SORCS1: variants seen among roughly 807,000 people sequenced by gnomAD.
The protein encoded by SORCS1 is VPS10 domain-containing receptor SorCS1.
SORCS1 carries 60 observed loss-of-function variants against 146.1 expected under a neutral mutation model. The observed-to-expected ratio is 0.41, with a 90% CI of 0.33 to 0.51. The LOEUF (loss-of-function observed/expected upper bound fraction) is 0.51, where lower values mean the gene tolerates loss of function less well. Among genes scored for constraint, SORCS1 ranks in the 20% least tolerant of loss-of-function variants. The pLI, the probability that SORCS1 is intolerant of heterozygous loss-of-function variation, is 0.21. For synonymous variants in SORCS1, 637 were observed against 584.0 expected, an observed-to-expected ratio of 1.09 and a Z score of -1.31; for missense variants, 1,352 against 1,487.6, an observed-to-expected ratio of 0.91 and a Z score of 1.50.
intron 23 of SORCS1, among the ~76,000 whole-genome samples, chr10:106,606,502 G>A (rs1338318981): frequency 6.6e-6 from 1 of 152,164 alleles, no homozygotes; most frequent in Non-Finnish European, 1.5e-5. Context: ...GCTTCTCACG[G>A]CATTCTTGTG....
intron 1 of SORCS1, among the ~76,000 whole-genome samples, chr10:106,996,339 A>G (rs1323330537): frequency 6.6e-6 from 1 of 152,036 alleles, no homozygotes; most frequent in Non-Finnish European, 1.5e-5. Flanking sequence ...AACAGAATTT[A>G]CTTGTCTATA....
chr10:106,931,097 C>T (rs1953393939), intron 2 of SORCS1, among the ~76,000 whole-genome samples: 2 of 152,142 alleles, frequency 1.3e-5, no homozygotes, highest in Admixed American at 6.5e-5. Context: ...CACTGGTTGT[C>T]TAATTTCCTT....
chr10:106,993,360 A>G (rs1956853009), intron 1 of SORCS1, among the ~76,000 whole-genome samples: 1 of 152,196 alleles, frequency 6.6e-6, no homozygotes, highest in South Asian at 2.1e-4. Context: ...AGTGCAAACT[A>G]TATTCACACT....
chr10:106,863,246 G>A (rs528261297), intron 2 of SORCS1, among the ~76,000 whole-genome samples: 18 of 152,220 alleles, frequency 1.2e-4, no homozygotes, highest in African/African-American at 4.3e-4. Flanking sequence ...ACAGAGGGCT[G>A]GGCACGGTGA....
intron 2 of SORCS1, among the ~76,000 whole-genome samples, chr10:106,855,150 GAT>G (rs1397829382): frequency 6.6e-6 from 1 of 152,056 alleles, no homozygotes; most frequent in Non-Finnish European, 1.5e-5. Context: ...CAGAATTCTT[GAT>G]GTTTTCCATT....
intron 2 of SORCS1, among the ~76,000 whole-genome samples, chr10:106,854,824 T>C (rs1006414827): frequency 2.0e-5 from 3 of 151,186 alleles, no homozygotes; most frequent in African/African-American, 4.8e-5. Flanking sequence ...TAAGTGTGTA[T>C]GTGTGTGTGT....
intron 2 of SORCS1, among the ~76,000 whole-genome samples, chr10:106,850,892 G>A (rs1376977545): frequency 6.6e-6 from 1 of 152,154 alleles, no homozygotes; most frequent in African/African-American, 2.4e-5. Flanking sequence ...AGGCCTAGGA[G>A]TCTACCTATC....
chr10:107,015,660 C>T (rs576446713), intron 1 of SORCS1, among the ~76,000 whole-genome samples: 2 of 152,138 alleles, frequency 1.3e-5, no homozygotes, highest in Non-Finnish European at 2.9e-5. Context: ...GGCCTCCTGG[C>T]TCTCTCAATG....
chr10:106,740,742 T>G (rs544853071), intron 5 of SORCS1, among the ~76,000 whole-genome samples: 2 of 152,226 alleles, frequency 1.3e-5, no homozygotes, highest in Admixed American at 6.5e-5. Flanking sequence ...TGCTCATCAA[T>G]TGTCAACAAC....
chr10:106,831,890 C>T (rs996831848), intron 2 of SORCS1, among the ~76,000 whole-genome samples: 5 of 152,168 alleles, frequency 3.3e-5, no homozygotes, highest in Non-Finnish European at 7.3e-5. Context: ...GAAAGAGCAT[C>T]ACAGACTAGA....
At chr10:107,134,383 A>C (rs1374005229) in intron 1 of SORCS1, among the ~76,000 whole-genome samples, 1 of 152,194 alleles carries the variant, frequency 6.6e-6, no homozygotes, top group East Asian at 1.9e-4. Context: ...TCAAGCCTGT[A>C]ATCCCAGAAC....
intron 1 of SORCS1, among the ~76,000 whole-genome samples, chr10:107,026,268 T>G (rs1958397185): frequency 6.6e-6 from 1 of 152,146 alleles, no homozygotes; most frequent in Non-Finnish European, 1.5e-5. Context: ...AGGAATAAAT[T>G]TATTTGAAAG....
chr10:107,108,770 TG>T (rs1168120464), intron 1 of SORCS1, among the ~76,000 whole-genome samples: 1 of 152,062 alleles, frequency 6.6e-6, no homozygotes, highest in African/African-American at 2.4e-5. Flanking sequence ...AAGTCTTATC[TG>T]AGACAAAGGA....
At chr10:106,605,940 C>G (rs1846544171) in intron 23 of SORCS1, among the ~76,000 whole-genome samples, 1 of 152,084 alleles carries the variant, frequency 6.6e-6, no homozygotes, top group Non-Finnish European at 1.5e-5. Flanking sequence ...TCCTGGAAGA[C>G]TAAAGATCAT....
At chr10:107,179,583 C>T in the SORCS1 span, among the ~76,000 whole-genome samples, 1 of 152,060 alleles carries the variant, frequency 6.6e-6, no homozygotes, top group Admixed American at 6.6e-5. Context: ...GCATATTTGC[C>T]AGCATTTGAT....
intron 8 of SORCS1, 130 bp from the exon 9 acceptor site, chr10:106,699,523 G>T: frequency 4.3e-6 from 3 of 695,978 alleles, no homozygotes; most frequent in Non-Finnish European, 6.7e-6. Context: ...GCTTCCTTTT[G>T]CATATATAAG....
intron 5 of SORCS1, among the ~76,000 whole-genome samples, chr10:106,736,495 G>T (rs1368171004): frequency 6.6e-6 from 1 of 151,488 alleles, no homozygotes; most frequent in East Asian, 2.0e-4. Flanking sequence ...TGCCTGGCAG[G>T]TATTGGCAGT....
At chr10:106,601,003 G>A (rs968251699) in intron 23 of SORCS1, among the ~76,000 whole-genome samples, 2 of 152,246 alleles carry the variant, frequency 1.3e-5, no homozygotes, top group African/African-American at 4.8e-5. Flanking sequence ...GACCAATATG[G>A]GCTACAGGAG....
intron 18 of SORCS1, among the ~76,000 whole-genome samples, chr10:106,642,943 T>C (rs1468301610): frequency 6.6e-6 from 1 of 152,234 alleles, no homozygotes; most frequent in Non-Finnish European, 1.5e-5. Context: ...AAACTGGCTT[T>C]GGTCATTGAT....
Sources: gnomAD v4.1 joint callset for allele counts (sites outside exome capture counted in the v4.1 genomes callset) on GRCh38, gnomAD v4.1.1 for gene constraint, MANE v1.5 for transcripts, NCBI Gene and HGNC (gene_info 2026-07-23, HGNC 2026-07-21) for gene names.